Variants in STXBP5L observed in about 807,000 individuals in gnomAD.
STXBP5L encodes syntaxin-binding protein 5-like.
A neutral mutation model predicts 144.5 loss-of-function variants in STXBP5L; 65 were observed. That is an observed-to-expected ratio of 0.45 (90% CI 0.37 to 0.55). STXBP5L has a LOEUF of 0.55. Ranked by LOEUF, STXBP5L falls within the 20% of genes least tolerant of loss-of-function variation. The pLI is 0.00. For missense variants in STXBP5L, 1,298 were observed against 1,405.5 expected (o/e 0.92, Z 1.22); for synonymous variants, 505 against 469.6 (o/e 1.08, Z -0.97).
chr3:121,179,038 G>A (rs902367657), intron 9 of STXBP5L, among the ~76,000 whole-genome samples: 2 of 152,068 alleles, frequency 1.3e-5, no homozygotes, highest in Non-Finnish European at 2.9e-5. Context: ...GGAGGGGCAT[G>A]GCCTGAAAGC....
At chr3:121,016,089 G>A (rs185228585) in intron 3 of STXBP5L, among the ~76,000 whole-genome samples, 42 of 152,262 alleles carry the variant, frequency 2.8e-4, no homozygotes, top group African/African-American at 9.4e-4. Flanking sequence ...GGCATATATG[G>A]CTATAGCACA....
At chr3:121,267,365 AAACTGAAATTAG>A (rs2050599536) in intron 18 of STXBP5L, among the ~76,000 whole-genome samples, 1 of 152,232 alleles carries the variant, frequency 6.6e-6, no homozygotes, top group South Asian at 2.1e-4. Flanking sequence ...CATATGCAGA[AAACTGAAATTAG>A]ACCCTTTCCT....
chr3:120,969,001 C>T (rs1939925212), intron 3 of STXBP5L, among the ~76,000 whole-genome samples: 1 of 151,960 alleles, frequency 6.6e-6, no homozygotes, highest in Non-Finnish European at 1.5e-5. Flanking sequence ...CCACCATAAA[C>T]GTGTGTGCAT....
chr3:120,974,116 C>G (rs1304599064), intron 3 of STXBP5L, among the ~76,000 whole-genome samples: 1 of 152,170 alleles, frequency 6.6e-6, no homozygotes, highest in Non-Finnish European at 1.5e-5. Context: ...GGAATCACCA[C>G]ACTAACTTCC....
chr3:121,353,055 T>G (rs1308854393), intron 20 of STXBP5L, among the ~76,000 whole-genome samples: 1 of 152,182 alleles, frequency 6.6e-6, no homozygotes, highest in Non-Finnish European at 1.5e-5. Context: ...TTGGATAAGC[T>G]TTTTGATGTG....
intron 9 of STXBP5L, among the ~76,000 whole-genome samples, chr3:121,200,899 C>A (rs994080618): frequency 6.6e-6 from 1 of 152,122 alleles, no homozygotes; most frequent in African/African-American, 2.4e-5. Context: ...TGTTTTGTTT[C>A]CAATTGTGTG....
At chr3:121,283,748 T>A (rs1485864379) in intron 19 of STXBP5L, among the ~76,000 whole-genome samples, 3 of 152,014 alleles carry the variant, frequency 2.0e-5, no homozygotes, top group Admixed American at 6.6e-5. Context: ...CTGTGCCATT[T>A]TTTCATACCC....
At chr3:121,152,179 G>A (rs1040279802) in intron 7 of STXBP5L, among the ~76,000 whole-genome samples, 15 of 151,490 alleles carry the variant, frequency 9.9e-5, no homozygotes, top group African/African-American at 2.9e-4. Context: ...TTTCATCTTC[G>A]TTTTCTATCC....
chr3:121,224,274 T>C (rs988728706), intron 11 of STXBP5L, among the ~76,000 whole-genome samples: 3 of 152,168 alleles, frequency 2.0e-5, no homozygotes, highest in Admixed American at 6.6e-5. Flanking sequence ...AATATATATG[T>C]TGTGAGTTCC....
At chr3:121,204,232 C>T (rs1442644689) in intron 9 of STXBP5L, among the ~76,000 whole-genome samples, 1 of 151,760 alleles carries the variant, frequency 6.6e-6, no homozygotes, top group Admixed American at 6.6e-5. Flanking sequence ...GAGCGAGACT[C>T]TGTCTCAAAA....
chr3:121,113,664 TTC>T (rs1341824501), intron 5 of STXBP5L, among the ~76,000 whole-genome samples: 1 of 142,012 alleles, frequency 7.0e-6, no homozygotes, highest in East Asian at 2.0e-4. Flanking sequence ...TTATTCTTTT[TTC>T]TTTTTCTTTT....
At chr3:121,376,725 T>C (rs1007380131) in intron 20 of STXBP5L, among the ~76,000 whole-genome samples, 42 of 152,360 alleles carry the variant, frequency 2.8e-4, no homozygotes, top group African/African-American at 1.0e-3. Flanking sequence ...GGCTCTTTTT[T>C]GGTTCCATAT....
intron 3 of STXBP5L, among the ~76,000 whole-genome samples, chr3:120,990,051 A>G (rs184025858): frequency 6.6e-6 from 1 of 152,166 alleles, no homozygotes; most frequent in Non-Finnish European, 1.5e-5. Flanking sequence ...TTGTATATCC[A>G]GAAAACCCCA....
At chr3:121,342,127 CACA>C (rs1303017424) in intron 20 of STXBP5L, among the ~76,000 whole-genome samples, 5 of 151,932 alleles carry the variant, frequency 3.3e-5, no homozygotes, top group Non-Finnish European at 7.4e-5. Flanking sequence ...ACTATTTACC[CACA>C]ACAATTAAAA....
intron 22 of STXBP5L, among the ~76,000 whole-genome samples, chr3:121,395,173 T>G (rs1248311964): frequency 6.6e-6 from 1 of 152,250 alleles, no homozygotes; most frequent in Non-Finnish European, 1.5e-5. Context: ...ATTGAAAGAC[T>G]GTCAATTATA....
At chr3:121,265,058 A>T (rs339004) in intron 18 of STXBP5L, among the ~76,000 whole-genome samples, 72,277 of 151,988 alleles carry the variant, frequency 0.48, 17,752 homozygotes, top group East Asian at 0.73. Context: ...AATATTAGAC[A>T]AATCAACAAG....
At chr3:121,015,185 T>G (rs906631569) in intron 3 of STXBP5L, among the ~76,000 whole-genome samples, 8 of 152,132 alleles carry the variant, frequency 5.3e-5, no homozygotes, top group Admixed American at 2.6e-4. Context: ...GATTTAAAAC[T>G]CTTTAACAAA....
In STXBP5L at chr3:121,350,287, T is replaced by C. The variant is rs150000666; in HGVS notation, c.2177-28429T>C. On this transcript the variant is annotated intron_variant, in intron 20 of 26. Coordinates refer to ENST00000471454, the MANE Select transcript of STXBP5L (RefSeq NM_001308330.2). ...CCTTTAAGAATGTTGAATATTGGCCTCCACTCTCTTCTGGCTTGTAGAGTT... is the reference window on the plus strand; with the variant it reads ...CCTTTAAGAATGTTGAATATTGGCCCCCACTCTCTTCTGGCTTGTAGAGTT... 1.4e-3 allele frequency among the ~76,000 whole-genome samples: 212 copies of C among 152,226 alleles called. 1 individual carries two copies. Among genetic ancestry groups the C allele is most frequent in the Middle Eastern group, 6.8e-3 (2 of 294 alleles).
chr3:121,001,322 G>C (rs1943756783), intron 3 of STXBP5L, among the ~76,000 whole-genome samples: 1 of 152,212 alleles, frequency 6.6e-6, no homozygotes, highest in Admixed American at 6.5e-5. Context: ...TACACTGCAA[G>C]TGGATGTGGC....
Sources: allele counts gnomAD v4.1 joint callset (sites outside exome capture counted in the v4.1 genomes callset), GRCh38; gene constraint gnomAD v4.1.1; transcripts MANE v1.5; gene names NCBI Gene and HGNC (gene_info 2026-07-23, HGNC 2026-07-21).